KCNT2: variants seen among roughly 807,000 people sequenced by gnomAD.
KCNT2 encodes potassium channel subfamily T member 2.
A neutral mutation model predicts 153.8 loss-of-function variants in KCNT2; 67 were observed. The observed-to-expected ratio is 0.44, with a 90% CI of 0.36 to 0.53. The LOEUF is 0.53. Among genes scored for constraint, KCNT2 ranks in the 20% least tolerant of loss-of-function variants. The pLI is 0.00. For missense variants in KCNT2, 975 were observed against 1,354.8 expected, an observed-to-expected ratio of 0.72 and a Z score of 4.40; for synonymous variants, 500 against 458.8, an observed-to-expected ratio of 1.09 and a Z score of -1.15.
chr1:196,357,528 G>T (rs1243723888), intron 14 of KCNT2, among the ~76,000 whole-genome samples: 2 of 151,852 alleles, frequency 1.3e-5, no homozygotes, highest in African/African-American at 2.4e-5. Context: ...CCCCTTTTCA[G>T]TGGTAAATTT....
At chr1:196,367,793 G>T (rs1441611117) in intron 14 of KCNT2, among the ~76,000 whole-genome samples, 1 of 152,084 alleles carries the variant, frequency 6.6e-6, no homozygotes, top group Non-Finnish European at 1.5e-5. Flanking sequence ...CTTGAGATAT[G>T]TCTGGAAACA....
Position 196,467,776 on chromosome 1 carries a change from G to C in KCNT2, c.470C>G (p.Pro157Arg). ...TGGGACAAATAGATTCCTTAAGGAA[G>C]GCCAGAATATCTGGAAAACAAAACA... is the stretch of plus-strand genomic sequence containing the variant. ...AVPFIISIFWPSLRNLFVPVF... is the reference protein window; with the variant it reads ...AVPFIISIFWRSLRNLFVPVF... Residue 157 changes from proline (P) to arginine (R), a missense_variant, in exon 7 of 28, where the codon CCT becomes CGT. Physicochemically the swap from Pro to Arg is moderately radical, Grantham distance 103. This residue lies in a region of KCNT2 where 140 missense variants were observed against 216.0 expected (regional missense o/e 0.65). Coordinates refer to ENST00000294725, the MANE Select transcript of KCNT2 (RefSeq NM_198503.5). 1 of 1,598,522 alleles carries C rather than the reference G, an allele frequency of 6.3e-7. No homozygotes were observed. The highest frequency in any genetic ancestry group is 8.6e-7 in the Non-Finnish European group (1 of 1,169,440).
chr1:196,228,972 A>G (rs1054731840), intron 27 of KCNT2, among the ~76,000 whole-genome samples: 6 of 152,144 alleles, frequency 3.9e-5, no homozygotes, highest in South Asian at 2.1e-4. Flanking sequence ...TGATAATACT[A>G]AAGTATAGAG....
chr1:196,257,424 T>C (rs1191232116), intron 26 of KCNT2: 5 of 969,428 alleles, frequency 5.2e-6, no homozygotes, highest in Non-Finnish European at 4.9e-6. Context: ...TTAACTTGCA[T>C]GATACTAACC....
chr1:196,567,819 T>C (rs1660291605), intron 1 of KCNT2, among the ~76,000 whole-genome samples: 1 of 152,214 alleles, frequency 6.6e-6, no homozygotes, highest in Non-Finnish European at 1.5e-5. Flanking sequence ...TGAACAGCAT[T>C]TACATCTCTA....
chr1:196,300,579 A>T (rs373791723), intron 22 of KCNT2, among the ~76,000 whole-genome samples: 19 of 152,090 alleles, frequency 1.2e-4, no homozygotes, highest in Admixed American at 3.9e-4. Flanking sequence ...TGCCAAGAAG[A>T]TCTGAAAAAT....
chr1:196,583,248 G>A (rs28620995), intron 1 of KCNT2, among the ~76,000 whole-genome samples: 19,344 of 152,136 alleles, frequency 0.13, 3,854 homozygotes, highest in African/African-American at 0.43. Flanking sequence ...GAGATCTGTA[G>A]TGAACCAAGC....
At chr1:196,483,413 A>G (rs563397946) in intron 3 of KCNT2, among the ~76,000 whole-genome samples, 1 of 152,262 alleles carries the variant, frequency 6.6e-6, no homozygotes, top group African/African-American at 2.4e-5. Context: ...TTTGCCTTCT[A>G]CCATTTTTCT....
At chr1:196,525,927 G>T (rs894903373) in intron 1 of KCNT2, among the ~76,000 whole-genome samples, 1 of 151,928 alleles carries the variant, frequency 6.6e-6, no homozygotes, top group African/African-American at 2.4e-5. Context: ...TGTGACCAAA[G>T]GTTTAGAAGT....
intron 1 of KCNT2, among the ~76,000 whole-genome samples, chr1:196,531,282 A>T (rs947836562): frequency 6.6e-6 from 1 of 152,062 alleles, no homozygotes; most frequent in Admixed American, 6.6e-5. Context: ...ATCCCCTCAC[A>T]GACTTCCAAA....
chr1:196,270,947 T>G (rs1407597834), intron 25 of KCNT2, among the ~76,000 whole-genome samples: 2 of 151,804 alleles, frequency 1.3e-5, no homozygotes, highest in African/African-American at 4.8e-5. Flanking sequence ...AGGACCTAAC[T>G]GTGAAGCTTT....
At chr1:196,577,139 C>A (rs770525138) in intron 1 of KCNT2, among the ~76,000 whole-genome samples, 1 of 152,136 alleles carries the variant, frequency 6.6e-6, no homozygotes, top group Non-Finnish European at 1.5e-5. Context: ...AAGCCAACAT[C>A]TATCCTATAG....
At chr1:196,257,254 C>T (rs976045759) in intron 26 of KCNT2, 1 of 984,986 alleles carries the variant, frequency 1.0e-6, no homozygotes, top group African/African-American at 1.7e-5. Flanking sequence ...GTAGTGCTAA[C>T]TTAATATGTG....
chr1:196,504,241 C>T (rs1680938722), intron 1 of KCNT2, among the ~76,000 whole-genome samples: 1 of 146,332 alleles, frequency 6.8e-6, no homozygotes, highest in African/African-American at 2.5e-5. Context: ...CCCCTCCCCC[C>T]ATCCCACAAC....
At chr1:196,510,329 A>G (rs1006005834) in intron 1 of KCNT2, among the ~76,000 whole-genome samples, 6 of 152,170 alleles carry the variant, frequency 3.9e-5, no homozygotes, top group Admixed American at 1.3e-4. Flanking sequence ...CACCTCCATT[A>G]TACAGATTAG....
chr1:196,583,160 G>A (rs2148981545), intron 1 of KCNT2, among the ~76,000 whole-genome samples: 1 of 152,102 alleles, frequency 6.6e-6, no homozygotes, highest in Admixed American at 6.6e-5. Context: ...GAGAAAGGCA[G>A]GCACATTAAT....
intron 1 of KCNT2, among the ~76,000 whole-genome samples, chr1:196,501,285 G>A (rs1680676043): frequency 6.6e-6 from 1 of 152,104 alleles, no homozygotes; most frequent in African/African-American, 2.4e-5. Flanking sequence ...ACTACCAATA[G>A]CAAAGATATG....
chr1:196,309,887 A>T (rs551124314), intron 21 of KCNT2, among the ~76,000 whole-genome samples: 88 of 151,964 alleles, frequency 5.8e-4, no homozygotes, highest in Admixed American at 2.6e-3. Context: ...AAAAAAGAAG[A>T]TATAGTTTGT....
chr1:196,340,394 G>T lies in KCNT2; in HGVS notation c.1730C>A (p.Ser577Ter). 1 of 1,612,560 alleles carries T rather than the reference G, an allele frequency of 6.2e-7. No homozygotes were observed. Among genetic ancestry groups the T allele is most frequent in the South Asian group, 1.1e-5 (1 of 90,990 alleles). Residue 577 changes from serine (S) to a stop codon, truncating the protein, a stop_gained, in exon 16 of 28, where the codon TCG (serine) becomes TAG (stop). Transcript: ENST00000294725. LOFTEE classifies it high-confidence loss of function. ...DQQRKSNVSR[S>*]FYHGPSRLPV... ...TAATCTGGAAGGTCCATGATAAAAC[G>T]ACCTGGACACATTGCTTTTTCTCTG...
Sources: allele counts gnomAD v4.1 joint callset (sites outside exome capture counted in the v4.1 genomes callset), GRCh38; gene constraint gnomAD v4.1.1; regional missense constraint gnomAD v4.1.1; transcripts MANE v1.5; gene names NCBI Gene and HGNC (gene_info 2026-07-23, HGNC 2026-07-21).